Variants in PCDHGA3 observed in about 807,000 individuals in gnomAD.
PCDHGA3 encodes the protein protocadherin gamma subfamily A, 3, also known as protocadherin gamma-A3.
PCDHGA3 carries 40 observed loss-of-function variants against 58.5 expected under a neutral mutation model. The observed-to-expected ratio is 0.68, with a 90% CI of 0.53 to 0.89. The LOEUF (loss-of-function observed/expected upper bound fraction) is 0.89, where lower values mean the gene tolerates loss of function less well. PCDHGA3 is among the 40% of genes least tolerant of loss of function. PCDHGA3 has a pLI of 0.00. For missense variants in PCDHGA3, 1,223 were observed against 1,195.9 expected, an observed-to-expected ratio of 1.02 and a Z score of -0.33; for synonymous variants, 530 against 525.7, an observed-to-expected ratio of 1.01 and a Z score of -0.11.
At chr5:141,350,295 G>C (rs748197603) in intron 1 of PCDHGA3, 3 of 1,518,322 alleles carry the variant, frequency 2.0e-6, no homozygotes, top group Non-Finnish European at 2.6e-6. Flanking sequence ...ATGATGAAAA[G>C]TCAGGTACTG....
chr5:141,410,090 C>G (rs369832481), intron 1 of PCDHGA3: 3 of 1,612,358 alleles, frequency 1.9e-6, no homozygotes, highest in South Asian at 2.2e-5. Context: ...GCGCACGGCT[C>G]GAGCCTTAGG....
intron 1 of PCDHGA3, among the ~76,000 whole-genome samples, chr5:141,382,529 T>C (rs1778264328): frequency 6.6e-6 from 1 of 152,222 alleles, no homozygotes; most frequent in South Asian, 2.1e-4. Flanking sequence ...TGTCTTAAAA[T>C]GGATTTTTAA....
intron 1 of PCDHGA3, chr5:141,355,260 G>A (rs781255825): frequency 2.5e-6 from 4 of 1,613,544 alleles, no homozygotes; most frequent in Admixed American, 3.3e-5. Flanking sequence ...GCCTTCTCCT[G>A]GGGGTTCTGG....
At chr5:141,460,981 G>GTATA (rs1491204135) in intron 1 of PCDHGA3, among the ~76,000 whole-genome samples, 10 of 121,884 alleles carry the variant, frequency 8.2e-5, no homozygotes, top group African/African-American at 3.1e-4. Context: ...GTGTGTGTGT[G>GTATA]TGTATATATA....
At position 141,478,208 on chromosome 5, in the gene PCDHGA3, C is replaced by G. The variant is rs200735608; in HGVS notation, c.2425-16599C>G. The G allele has an allele frequency of 2.5e-6, 4 of 1,614,096 alleles. No individual in the cohort carries two copies. The East Asian group carries it at 8.9e-5, about 36-fold the overall frequency. ...TCTCACCTTTTATCTACTTCTTTCTCTAATCCTGGTTTCTGTGGGGTTTGT... is the reference window on the plus strand; with the variant it reads ...TCTCACCTTTTATCTACTTCTTTCTGTAATCCTGGTTTCTGTGGGGTTTGT... On this transcript the variant is annotated intron_variant, in intron 1 of 3. Coordinates refer to ENST00000253812, the MANE Select transcript of PCDHGA3 (RefSeq NM_018916.4).
intron 1 of PCDHGA3, chr5:141,362,082 A>G: frequency 1.2e-6 from 2 of 1,612,988 alleles, no homozygotes; most frequent in Non-Finnish European, 1.7e-6. Context: ...TGCGTGATGG[A>G]GGACAGCCGC....
chr5:141,441,811 C>A (rs1007948586), intron 1 of PCDHGA3: 2 of 370,710 alleles, frequency 5.4e-6, no homozygotes, highest in African/African-American at 2.2e-5. Flanking sequence ...GTGCTGTACC[C>A]CAGCTCTGGA....
rs767423074 is a variant in PCDHGA3, at chr5:141,345,269, C to A, written c.1236C>A (p.Arg412=). 3.7e-6 allele frequency: 6 copies of A among 1,613,896 alleles called. No homozygotes were observed. Among genetic ancestry groups the A allele is most frequent in the Non-Finnish European group, 3.4e-6 (4 of 1,179,880 alleles). Residue 412 remains arginine, a synonymous_variant, in exon 1 of 4, where the codon CGC becomes CGA. Transcript: ENST00000253812. Reference sequence around the variant, plus strand: ...TAGTGACGGCCACATCCCTGGACCGCGAACAAATATCAGAATATAACATTA... The same window carrying A: ...TAGTGACGGCCACATCCCTGGACCGAGAACAAATATCAGAATATAACATTA... ...YRLVTATSLD[R]EQISEYNISL...
chr5:141,372,613 TC>T, intron 1 of PCDHGA3: 1 of 1,614,018 alleles, frequency 6.2e-7, no homozygotes, highest in Non-Finnish European at 8.5e-7. Context: ...CCTGGAGTTC[TC>T]CCCACCTACA....
At chr5:141,469,191 G>A (rs1431459571) in intron 1 of PCDHGA3, among the ~76,000 whole-genome samples, 1 of 151,882 alleles carries the variant, frequency 6.6e-6, no homozygotes, top group Admixed American at 6.6e-5. Flanking sequence ...CAAGAGGATT[G>A]CTTGAGCCTT....
intron 3 of PCDHGA3, chr5:141,507,213 G>C (rs1016967764): frequency 6.6e-6 from 1 of 152,558 alleles, no homozygotes; most frequent in African/African-American, 2.4e-5. Context: ...AGGGTTGCCA[G>C]ATAAAATACA....
At chr5:141,390,538 C>T (rs1371210436) in intron 1 of PCDHGA3, 1 of 518,192 alleles carries the variant, frequency 1.9e-6, no homozygotes, top group Non-Finnish European at 3.4e-6. Context: ...GTTTTAACCA[C>T]AAAGTGAAAG....
chr5:141,376,310 G>C, intron 1 of PCDHGA3: 1 of 1,613,946 alleles, frequency 6.2e-7, no homozygotes. Flanking sequence ...CTTTGTGGGC[G>C]TGGAAGGGGT....
chr5:141,347,277 C>T (rs1346582461), intron 1 of PCDHGA3, among the ~76,000 whole-genome samples: 2 of 151,850 alleles, frequency 1.3e-5, no homozygotes, highest in Non-Finnish European at 2.9e-5. Flanking sequence ...CCTCAGCCTC[C>T]CGAGTAGCTG....
At chr5:141,393,348 T>A in intron 1 of PCDHGA3, 1 of 1,613,848 alleles carries the variant, frequency 6.2e-7, no homozygotes, top group Non-Finnish European at 8.5e-7. Flanking sequence ...TCACCACTTC[T>A]CCCTGGACGT....
intron 2 of PCDHGA3, among the ~76,000 whole-genome samples, chr5:141,502,517 G>A (rs1333510345): frequency 1.3e-5 from 2 of 152,128 alleles, no homozygotes; most frequent in Admixed American, 6.6e-5. Flanking sequence ...CCCACTATCA[G>A]TGATGCCGAG....
At chr5:141,433,358 C>CCTATCTATCTAT (rs3074541) in intron 1 of PCDHGA3, 6,701 of 503,954 alleles carry the variant, frequency 0.013, 75 homozygotes, top group East Asian at 0.016. Context: ...CTACTGTCTG[C>CCTATCTATCTAT]CTATCTATCT....
intron 1 of PCDHGA3, chr5:141,366,727 A>C: frequency 6.2e-7 from 1 of 1,613,036 alleles, no homozygotes; most frequent in Non-Finnish European, 8.5e-7. Context: ...AGGTAGATGC[A>C]AACAAAGAAG....
At position 141,395,016 on chromosome 5, in the gene PCDHGA3, G is replaced by C. The variant is rs772379480; in HGVS notation, c.2424+48559G>C. The C allele has an allele frequency of 4.3e-6, 7 of 1,613,950 alleles. No homozygotes were observed. In the Admixed American group the frequency reaches 5.0e-5, roughly 12 times the overall value. ...GGATTCCGGTGGCAGATTGGTAGGCGTGCCTGCCTCACATTTTGTGGGTGT... is the reference window on the plus strand; with the variant it reads ...GGATTCCGGTGGCAGATTGGTAGGCCTGCCTGCCTCACATTTTGTGGGTGT... On this transcript the variant is annotated intron_variant, in intron 1 of 3. Coordinates refer to ENST00000253812, the MANE Select transcript of PCDHGA3 (RefSeq NM_018916.4).
Sources: gnomAD v4.1 joint callset for allele counts (sites outside exome capture counted in the v4.1 genomes callset) on GRCh38, gnomAD v4.1.1 for gene constraint, MANE v1.5 for transcripts, NCBI Gene and HGNC (gene_info 2026-07-23, HGNC 2026-07-21) for gene names.